Variants in DISP3 observed in about 807,000 individuals in gnomAD.
DISP3 encodes protein dispatched homolog 3.
DISP3 carries 101 observed loss-of-function variants against 135.3 expected under a neutral mutation model. The ratio of observed to expected loss-of-function variants is 0.75; its 90% CI spans 0.64 to 0.88. The LOEUF (loss-of-function observed/expected upper bound fraction) is 0.88. Ranked by LOEUF, DISP3 falls within the 40% of genes least tolerant of loss-of-function variation. The probability of loss-of-function intolerance (pLI) is 0.00; values close to 1 mark genes in which losing one functional copy is unlikely to be tolerated. For synonymous variants in DISP3, 856 were observed against 817.0 expected (o/e 1.05, Z -0.81); for missense variants, 1,713 against 1,878.6 (o/e 0.91, Z 1.63).
chr1:11,509,959 C>T (rs185924195), intron 3 of DISP3, among the ~76,000 whole-genome samples: 150 of 152,012 alleles, frequency 9.9e-4, no homozygotes, highest in Admixed American at 3.0e-3. Flanking sequence ...ATTAGCTGGG[C>T]GTGGTGGTGG....
intron 1 of DISP3, among the ~76,000 whole-genome samples, chr1:11,484,180 A>T (rs1476472170): frequency 6.6e-6 from 1 of 152,128 alleles, no homozygotes; most frequent in Non-Finnish European, 1.5e-5. Flanking sequence ...ACCTTAACTG[A>T]TGTAATCCCC....
At chr1:11,502,587 G>A (rs1325742541) in intron 2 of DISP3, 91 bp from the exon 3 acceptor site, 2 of 1,010,108 alleles carry the variant, frequency 2.0e-6, no homozygotes, top group African/African-American at 1.6e-5. Context: ...ATCCTGGGAG[G>A]CAGGGCTGCA....
chr1:11,530,906 G>A lies in DISP3; in HGVS notation c.3103-1G>A, dbSNP rs1642559206. 6.2e-7 allele frequency: 1 copy of A among 1,613,644 alleles called. No homozygotes were observed. The highest frequency in any genetic ancestry group is 1.3e-5 in the African/African-American group (1 of 74,904). On this transcript the variant is annotated splice_acceptor_variant, in intron 15 of 20. Transcript: ENST00000294484. LOFTEE classifies it high-confidence loss of function. ...GGCCGGCTTGTTTCTCCTTGGGAAA[G>A]GGTAGTGTTGTCTACGACAGCAGCT...
intron 17 of DISP3, among the ~76,000 whole-genome samples, chr1:11,532,060 A>G (rs1642590317): frequency 6.6e-6 from 1 of 152,144 alleles, no homozygotes; most frequent in African/African-American, 2.4e-5. Context: ...GTGGGAGGCC[A>G]GGTTGGGGCC....
intron 13 of DISP3, 147 bp downstream of exon 13, chr1:11,526,982 G>C: frequency 1.3e-5 from 13 of 1,008,334 alleles, no homozygotes; most frequent in South Asian, 1.2e-4. Flanking sequence ...CCAGGCTGGA[G>C]TGCAGTGGCA....
chr1:11,488,901 T>C (rs903643686), intron 1 of DISP3, among the ~76,000 whole-genome samples: 13 of 152,112 alleles, frequency 8.5e-5, no homozygotes, highest in Admixed American at 3.9e-4. Context: ...TACGCAAAAA[T>C]GACCTGGAAG....
At chr1:11,534,112 G>T (rs2100518371) in intron 17 of DISP3, among the ~76,000 whole-genome samples, 1 of 152,360 alleles carries the variant, frequency 6.6e-6, no homozygotes, top group Admixed American at 6.5e-5. Context: ...CATGCACTCT[G>T]TGTGGACAGG....
intron 3 of DISP3, among the ~76,000 whole-genome samples, chr1:11,504,754 G>C (rs1200746966): frequency 6.6e-6 from 1 of 152,122 alleles, no homozygotes; most frequent in Non-Finnish European, 1.5e-5. Context: ...CAGCACAAAA[G>C]CCTTCACCAG....
intron 13 of DISP3, among the ~76,000 whole-genome samples, chr1:11,527,649 G>A (rs1024115539): frequency 6.6e-6 from 1 of 152,124 alleles, no homozygotes; most frequent in Non-Finnish European, 1.5e-5. Context: ...TTGGCAAAGA[G>A]ACGGGCCCGG....
At chr1:11,497,647 C>T (rs970038861) in intron 1 of DISP3, among the ~76,000 whole-genome samples, 3 of 152,232 alleles carry the variant, frequency 2.0e-5, no homozygotes, top group Non-Finnish European at 4.4e-5. Flanking sequence ...CTCGGCCTCC[C>T]AGAGTGCCGG....
At chr1:11,534,348 G>T (rs779340806) in intron 17 of DISP3, 33 bp from the exon 18 acceptor site, 3 of 1,613,668 alleles carry the variant, frequency 1.9e-6, no homozygotes, top group East Asian at 4.5e-5. Flanking sequence ...CACAGTCCCT[G>T]CCTGTCTCAC....
Position 11,519,414 on chromosome 1 carries a change from C to G in DISP3, c.1949C>G (p.Ala650Gly). 1 of 1,613,866 alleles carries G rather than the reference C, an allele frequency of 6.2e-7. No individual in the cohort carries two copies. The highest frequency in any genetic ancestry group is 8.5e-7 in the Non-Finnish European group (1 of 1,179,986). Reference protein sequence around the residue: ...SLHFPGDVFAAPEQVGGSPAQ... With the variant: ...SLHFPGDVFAGPEQVGGSPAQ... ...CACTTCCCCGGAGACGTGTTTGCCG[C>G]TCCCGAGCAGGTTGGAGGCAGCCCT... Residue 650 changes from alanine to glycine, a missense_variant, in exon 8 of 21, where the codon GCT becomes GGT. Physicochemically the swap from Ala to Gly is moderately conservative, Grantham distance 60. This residue lies in a region of DISP3 where 1,142 missense variants were observed against 1,384.6 expected (regional missense o/e 0.82). Transcript: ENST00000294484. The surrounding 1 kb of genome is among the most constrained non-coding windows in gnomAD (Gnocchi z 4.3).
chr1:11,527,367 G>A (rs1224221480), intron 13 of DISP3, among the ~76,000 whole-genome samples: 3 of 152,080 alleles, frequency 2.0e-5, no homozygotes, highest in African/African-American at 7.2e-5. Context: ...GGCTAACACA[G>A]TGAAACTCCT....
chr1:11,495,109 C>T (rs186748291), intron 1 of DISP3, among the ~76,000 whole-genome samples: 343 of 152,240 alleles, frequency 2.3e-3, no homozygotes, highest in African/African-American at 6.9e-3. Flanking sequence ...AATGGCTCTC[C>T]CAACTGGGTG....
In DISP3 at chr1:11,501,853, C is replaced by G; in HGVS notation, c.861C>G (p.Arg287=). ...TCCTGGCGCGCGGCGACGCGGAGCG[C>G]AACATTTTCACCAGTGAGCGCCTGG... ...LIFLARGDAE[R]NIFTSERLVT... Residue 287 remains arginine, a synonymous_variant, in exon 2 of 21, where the codon CGC becomes CGG. Coordinates refer to ENST00000294484, the MANE Select transcript of DISP3 (RefSeq NM_020780.2). The surrounding 1 kb of genome is among the most constrained non-coding windows in gnomAD (Gnocchi z 4.9). 6 of 1,612,750 alleles carry G rather than the reference C, an allele frequency of 3.7e-6. No homozygotes were observed. The highest frequency in any genetic ancestry group is 5.1e-6 in the Non-Finnish European group (6 of 1,179,476).
intron 3 of DISP3, among the ~76,000 whole-genome samples, chr1:11,513,666 T>A (rs950793764): frequency 6.6e-6 from 1 of 152,210 alleles, no homozygotes; most frequent in East Asian, 1.9e-4. Flanking sequence ...ATAGTTTTCA[T>A]CAAGTTTGGA....
rs751587698 is a variant in DISP3, at chr1:11,530,922, G to A, written c.3118G>A (p.Asp1040Asn). 2.5e-5 allele frequency: 41 copies of A among 1,613,798 alleles called. 1 individual carries two copies. In the Admixed American group the frequency reaches 4.3e-4, roughly 17 times the overall value. The change falls in exon 16 of 21, where the codon GAC becomes AAC. Residue 1040 changes from aspartate (D) to asparagine (N), a missense_variant. By Grantham distance (23) the Asp-to-Asn change is conservative. This residue lies in a region of DISP3 where 1,142 missense variants were observed against 1,384.6 expected (regional missense o/e 0.82). Transcript: ENST00000294484. ...VIGDPGSVVY[D>N]SSFDLFKEIG... ...CTTGGGAAAGGGTAGTGTTGTCTAC[G>A]ACAGCAGCTTTGACCTCTTCAAGGA...
In DISP3 at chr1:11,536,533, C is replaced by T; in HGVS notation, c.4026C>T (p.Gly1342=). The T allele has an allele frequency of 6.2e-7, 1 of 1,613,032 alleles. No homozygotes were observed. The highest frequency in any genetic ancestry group is 8.5e-7 in the Non-Finnish European group (1 of 1,179,960). The change falls in exon 21 of 21, where the codon GGC becomes GGT. Residue 1342 remains glycine (G), a synonymous_variant. Coordinates refer to ENST00000294484, the MANE Select transcript of DISP3 (RefSeq NM_020780.2). This position sits in a 1 kb window ranked among gnomAD's most constrained non-coding sequence, Gnocchi z 4.3. ...TGACCGTCAGCACCGCCCTGCTGGG[C>T]ATCATGGCGCCCAGCTCTTTCACTC... is the stretch of plus-strand genomic sequence containing the variant. ...YTLTVSTALL[G]IMAPSSFTRT... is the part of the protein sequence containing the mutation.
intron 3 of DISP3, 149 bp downstream of exon 3, chr1:11,503,046 A>T: frequency 1.4e-6 from 1 of 715,282 alleles, no homozygotes; most frequent in Non-Finnish European, 2.3e-6. Context: ...ACATCCTTGC[A>T]GTCTCTCTGA....
Sources: allele counts gnomAD v4.1 joint callset (sites outside exome capture counted in the v4.1 genomes callset), GRCh38; gene constraint gnomAD v4.1.1; regional missense constraint gnomAD v4.1.1; non-coding constraint Gnocchi (gnomAD v3.1); transcripts MANE v1.5; gene names NCBI Gene and HGNC (gene_info 2026-07-23, HGNC 2026-07-21).